The following CAMKMT variants were observed in gnomAD, a reference collection of about 807,000 sequenced individuals.
The protein encoded by CAMKMT is calmodulin-lysine N-methyltransferase.
Under a neutral mutation model 48.0 loss-of-function variants are expected in CAMKMT, and 53 were observed. The ratio of observed to expected loss-of-function variants is 1.10; its 90% confidence interval spans 0.89 to 1.39. The LOEUF is 1.39. Ranked by LOEUF, CAMKMT falls within the 40% of genes most tolerant of loss-of-function variation. The probability of loss-of-function intolerance (pLI) is 0.00; values close to 1 mark genes in which losing one functional copy is unlikely to be tolerated. For synonymous variants in CAMKMT, 165 were observed against 152.3 expected (o/e 1.08, Z -0.61); for missense variants, 428 against 402.7 (o/e 1.06, Z -0.54).
At position 44,650,202 on chromosome 2, in the gene CAMKMT, C is replaced by T. The variant is rs1217890799; in HGVS notation, c.377-54081C>T. 2.6e-5 allele frequency among the ~76,000 whole-genome samples: 4 copies of T among 152,264 alleles called. No individual in the cohort carries two copies. The East Asian group carries it at 5.8e-4, about 22-fold the overall frequency. ...AACCCCTAGGGGAGTCCGTCACTGC[C>T]TCCTTGTAGCTTCTGCTGTCAATCT... On this transcript the variant is annotated intron_variant, in intron 3 of 10. Transcript: ENST00000378494.
At chr2:44,544,567 AG>A (rs1475467446) in intron 3 of CAMKMT, among the ~76,000 whole-genome samples, 1 of 152,250 alleles carries the variant, frequency 6.6e-6, no homozygotes, top group Non-Finnish European at 1.5e-5. Context: ...TGCTGTAGCT[AG>A]GCTTTCTGTT....
chr2:44,419,841 C>T (rs1470297887), intron 3 of CAMKMT, among the ~76,000 whole-genome samples: 1 of 152,150 alleles, frequency 6.6e-6, no homozygotes, highest in African/African-American at 2.4e-5. Context: ...GCACTCTAGC[C>T]TGGGCAATAT....
chr2:44,604,928 G>A (rs150159598), intron 3 of CAMKMT, among the ~76,000 whole-genome samples: 1 of 152,192 alleles, frequency 6.6e-6, no homozygotes, highest in East Asian at 1.9e-4. Flanking sequence ...ACCTGAACAA[G>A]TATTTCTTTC....
intron 3 of CAMKMT, among the ~76,000 whole-genome samples, chr2:44,502,277 A>G (rs999968864): frequency 1.6e-5 from 2 of 128,350 alleles, no homozygotes; most frequent in African/African-American, 5.8e-5. Context: ...TTCCCAACTT[A>G]GATTTGAATT....
chr2:44,456,090 C>T (rs987997803), intron 3 of CAMKMT, among the ~76,000 whole-genome samples: 3 of 152,080 alleles, frequency 2.0e-5, no homozygotes, highest in Non-Finnish European at 4.4e-5. Context: ...TAAATGGTGC[C>T]TTGTGTAATT....
intron 7 of CAMKMT, among the ~76,000 whole-genome samples, chr2:44,730,775 C>T (rs1284672016): frequency 6.6e-6 from 1 of 152,172 alleles, no homozygotes; most frequent in Non-Finnish European, 1.5e-5. Flanking sequence ...ATGACTTGAA[C>T]ACTGTAAACA....
At chr2:44,413,909 A>G (rs754249170) in intron 3 of CAMKMT, among the ~76,000 whole-genome samples, 1 of 152,176 alleles carries the variant, frequency 6.6e-6, no homozygotes, top group East Asian at 1.9e-4. Context: ...CTCATTCAAT[A>G]TATTTTCATG....
chr2:44,705,741 T>C (rs187652639), intron 4 of CAMKMT, among the ~76,000 whole-genome samples: 5 of 152,218 alleles, frequency 3.3e-5, no homozygotes, highest in Non-Finnish European at 7.3e-5. Context: ...GTGTAATTGT[T>C]CTTTATGGGG....
intron 3 of CAMKMT, among the ~76,000 whole-genome samples, chr2:44,438,772 G>A (rs532084031): frequency 2.0e-5 from 3 of 152,016 alleles, no homozygotes; most frequent in Admixed American, 6.6e-5. Flanking sequence ...ATCACGGCTC[G>A]CTGCAGCCTT....
chr2:44,645,260 G>A (rs530276955), intron 3 of CAMKMT, among the ~76,000 whole-genome samples: 3 of 152,326 alleles, frequency 2.0e-5, no homozygotes, highest in East Asian at 1.9e-4. Flanking sequence ...TCCTGCCTTC[G>A]TGGCATCACA....
chr2:44,513,774 C>T (rs143846071), intron 3 of CAMKMT, among the ~76,000 whole-genome samples: 91 of 152,120 alleles, frequency 6.0e-4, no homozygotes, highest in African/African-American at 2.2e-3. Flanking sequence ...CAGACATTTC[C>T]CCCAACTTCC....
chr2:44,718,860 A>G (rs1678308851), intron 7 of CAMKMT, among the ~76,000 whole-genome samples: 1 of 152,184 alleles, frequency 6.6e-6, no homozygotes, highest in African/African-American at 2.4e-5. Flanking sequence ...TAAACTATGG[A>G]ACTTGTGTTA....
chr2:44,461,633 A>G (rs908833425), intron 3 of CAMKMT, among the ~76,000 whole-genome samples: 1 of 152,236 alleles, frequency 6.6e-6, no homozygotes, highest in African/African-American at 2.4e-5. Flanking sequence ...TGGGTTATAG[A>G]GGGTGGCCAA....
chr2:44,594,268 A>G (rs1462367340), intron 3 of CAMKMT, among the ~76,000 whole-genome samples: 2 of 152,132 alleles, frequency 1.3e-5, no homozygotes, highest in Non-Finnish European at 2.9e-5. Context: ...TGCTATCCCC[A>G]TCAAGCTACC....
At position 44,601,961 on chromosome 2, in the gene CAMKMT, C is replaced by G. The variant is rs569251077; in HGVS notation, c.377-102322C>G. Among the ~76,000 whole-genome samples the G allele has an allele frequency of 3.2e-3, 489 of 151,980 alleles. 4 individuals carry two copies. Among genetic ancestry groups the G allele is most frequent in the African/African-American group, 0.011 (473 of 41,406 alleles). ...TAAGTTGTGTTTTACAAAAATGATA[C>G]CATATTGCATATGCTATATTGTAGT... is the stretch of plus-strand genomic sequence containing the variant. On this transcript the variant is annotated intron_variant, in intron 3 of 10. Coordinates refer to ENST00000378494, the MANE Select transcript of CAMKMT (RefSeq NM_024766.5).
At chr2:44,737,363 C>A (rs1679410296) in intron 7 of CAMKMT, among the ~76,000 whole-genome samples, 1 of 152,124 alleles carries the variant, frequency 6.6e-6, no homozygotes, top group Admixed American at 6.6e-5. Context: ...GCAGTCCTCC[C>A]ACCTTGACCG....
chr2:44,362,206 G>A, intron 1 of CAMKMT, 61 bp downstream of exon 1: 1 of 1,349,188 alleles, frequency 7.4e-7, no homozygotes, highest in African/African-American at 1.6e-5. Context: ...ACGTACCGGG[G>A]GAGCGACTGT....
intron 3 of CAMKMT, among the ~76,000 whole-genome samples, chr2:44,399,223 T>A (rs1311224248): frequency 2.0e-5 from 3 of 152,202 alleles, no homozygotes; most frequent in Non-Finnish European, 4.4e-5. Context: ...AATTTCTGAT[T>A]GATTTTCTAC....
intron 3 of CAMKMT, among the ~76,000 whole-genome samples, chr2:44,592,207 G>A (rs1670333629): frequency 6.6e-6 from 1 of 151,746 alleles, no homozygotes; most frequent in African/African-American, 2.4e-5. Context: ...AAAACTTAAA[G>A]TATAATAATA....
Sources: allele counts gnomAD v4.1 joint callset (sites outside exome capture counted in the v4.1 genomes callset), GRCh38; gene constraint gnomAD v4.1.1; transcripts MANE v1.5; gene names NCBI Gene and HGNC (gene_info 2026-07-23, HGNC 2026-07-21).